The following FRMD4A variants were observed in gnomAD, a reference collection of about 807,000 sequenced individuals.
FRMD4A encodes the protein FERM domain-containing protein 4A.
FRMD4A carries 29 observed loss-of-function variants against 129.1 expected under a neutral mutation model. The ratio of observed to expected loss-of-function variants is 0.22; its 90% CI spans 0.17 to 0.31. FRMD4A has a LOEUF of 0.31. Ranked by LOEUF, FRMD4A falls within the 10% of genes least tolerant of loss-of-function variation. The pLI is 1.00. For synonymous variants in FRMD4A, 634 were observed against 571.6 expected (o/e 1.11, Z -1.56); for missense variants, 1,272 against 1,375.8 (o/e 0.92, Z 1.19).
chr10:14,277,053 C>T (rs760998200), intron 2 of FRMD4A, among the ~76,000 whole-genome samples: 8 of 152,136 alleles, frequency 5.3e-5, no homozygotes, highest in South Asian at 2.1e-4. Context: ...TTTGTAGAGA[C>T]GGGGTTTTGC....
At chr10:13,971,586 C>T (rs2095518508) in intron 2 of FRMD4A, 6 of 877,720 alleles carry the variant, frequency 6.8e-6, no homozygotes, top group African/African-American at 1.7e-5. Context: ...ATAGCTCATG[C>T]CCCCTTCTCC....
intron 2 of FRMD4A, among the ~76,000 whole-genome samples, chr10:13,886,932 G>A (rs1332012977): frequency 6.6e-6 from 1 of 152,202 alleles, no homozygotes; most frequent in African/African-American, 2.4e-5. Flanking sequence ...TGCTAAGAAG[G>A]CAGGAGCAAA....
intron 13 of FRMD4A, among the ~76,000 whole-genome samples, chr10:13,701,994 A>C (rs1037445334): frequency 1.3e-5 from 2 of 152,236 alleles, no homozygotes; most frequent in Non-Finnish European, 2.9e-5. Context: ...TTCAGAGGGC[A>C]GGGAGGGTAT....
intron 2 of FRMD4A, among the ~76,000 whole-genome samples, chr10:14,275,155 T>C (rs568098671): frequency 6.6e-6 from 1 of 152,314 alleles, no homozygotes; most frequent in African/African-American, 2.4e-5. Context: ...TCAGGCTCTC[T>C]GTCCCACTCC....
intron 4 of FRMD4A, among the ~76,000 whole-genome samples, chr10:13,805,821 T>G (rs964967831): frequency 1.3e-5 from 2 of 151,858 alleles, no homozygotes; most frequent in African/African-American, 2.4e-5. Context: ...CCTCAGTAGT[T>G]GGGACTACAA....
chr10:13,901,891 T>A (rs1221789633), intron 2 of FRMD4A, among the ~76,000 whole-genome samples: 1 of 152,198 alleles, frequency 6.6e-6, no homozygotes, highest in Non-Finnish European at 1.5e-5. Flanking sequence ...TGCCACCCCA[T>A]AGAAGTCAGA....
chr10:13,935,009 C>G (rs2095236813), intron 2 of FRMD4A, among the ~76,000 whole-genome samples: 2 of 152,108 alleles, frequency 1.3e-5, no homozygotes, highest in African/African-American at 2.4e-5. Context: ...AGGCGGCTCT[C>G]TAGGGCCTCT....
At chr10:13,883,079 C>T (rs2094565900) in intron 2 of FRMD4A, among the ~76,000 whole-genome samples, 1 of 152,072 alleles carries the variant, frequency 6.6e-6, no homozygotes, top group Admixed American at 6.6e-5. Context: ...GCTGGGATTA[C>T]AGGCATAAGC....
intron 3 of FRMD4A, among the ~76,000 whole-genome samples, chr10:13,813,647 G>A (rs951122532): frequency 3.3e-5 from 5 of 152,186 alleles, no homozygotes; most frequent in Non-Finnish European, 7.3e-5. Context: ...ATCATCTAAT[G>A]TCAAGCCTGT....
At chr10:13,876,139 G>T (rs2094487105) in intron 2 of FRMD4A, among the ~76,000 whole-genome samples, 2 of 152,224 alleles carry the variant, frequency 1.3e-5, no homozygotes, top group South Asian at 4.1e-4. Flanking sequence ...AAGGATTACA[G>T]AACTCAGGGA....
chr10:14,286,262 A>G (rs1458857357), intron 2 of FRMD4A, among the ~76,000 whole-genome samples: 1 of 152,214 alleles, frequency 6.6e-6, no homozygotes, highest in Non-Finnish European at 1.5e-5. Flanking sequence ...CAAAAGAGAA[A>G]GAAAGGATAT....
intron 2 of FRMD4A, among the ~76,000 whole-genome samples, chr10:13,978,340 A>T (rs934717481): frequency 6.6e-6 from 1 of 152,180 alleles, no homozygotes; most frequent in Admixed American, 6.5e-5. Flanking sequence ...AATCTGGGGA[A>T]AAGAGGCTGG....
intron 15 of FRMD4A, among the ~76,000 whole-genome samples, chr10:13,679,275 A>C (rs982046009): frequency 1.3e-5 from 2 of 149,926 alleles, no homozygotes; most frequent in South Asian, 2.1e-4. Flanking sequence ...TACGAAAAAA[A>C]AAATTAGCTG....
chr10:14,003,942 C>T (rs564112312), intron 2 of FRMD4A, among the ~76,000 whole-genome samples: 7 of 152,212 alleles, frequency 4.6e-5, no homozygotes, highest in African/African-American at 1.7e-4. Context: ...TTTGTTCTTA[C>T]ATTTATTAGA....
At chr10:14,328,626 A>ATG (rs58681647) in intron 2 of FRMD4A, among the ~76,000 whole-genome samples, 1,701 of 142,556 alleles carry the variant, frequency 0.012, 31 homozygotes, top group African/African-American at 0.038. Flanking sequence ...ATACATATGC[A>ATG]TGTGTGTGTG....
At chr10:13,656,211 C>T (rs1460096462) in intron 22 of FRMD4A, among the ~76,000 whole-genome samples, 1 of 152,232 alleles carries the variant, frequency 6.6e-6, no homozygotes, top group African/African-American at 2.4e-5. Context: ...AGGCTTGACC[C>T]AAGCCCATCC....
chr10:13,952,175 C>G (rs1254261622), intron 2 of FRMD4A, among the ~76,000 whole-genome samples: 2 of 150,238 alleles, frequency 1.3e-5, no homozygotes, highest in African/African-American at 4.9e-5. Flanking sequence ...GTAATATATG[C>G]TTTTTATTTT....
chr10:14,218,389 G>T (rs1843139664), intron 2 of FRMD4A, among the ~76,000 whole-genome samples: 1 of 152,106 alleles, frequency 6.6e-6, no homozygotes, highest in Non-Finnish European at 1.5e-5. Flanking sequence ...AACAGCTGAG[G>T]TATCATCCTT....
chr10:13,957,486 C>T (rs538459106), intron 2 of FRMD4A, among the ~76,000 whole-genome samples: 32 of 152,198 alleles, frequency 2.1e-4, no homozygotes, highest in Non-Finnish European at 4.1e-4. Flanking sequence ...AACTTCTGAC[C>T]TTAGGTGATC....
Sources: allele counts gnomAD v4.1 joint callset (sites outside exome capture counted in the v4.1 genomes callset), GRCh38; gene constraint gnomAD v4.1.1; transcripts MANE v1.5; gene names NCBI Gene and HGNC (gene_info 2026-07-23, HGNC 2026-07-21).